Variants in PBX3 observed in about 807,000 individuals in gnomAD.
PBX3 encodes PBX homeobox 3.
In PBX3, 14 loss-of-function variants were observed where a neutral mutation model predicts 48.5. The ratio of observed to expected loss-of-function variants is 0.29; its 90% CI spans 0.19 to 0.45. The LOEUF is 0.45. Among genes scored for constraint, PBX3 ranks in the 20% least tolerant of loss-of-function variants. The probability of loss-of-function intolerance (pLI) is 1.00; values close to 1 mark genes in which losing one functional copy is unlikely to be tolerated. For synonymous variants in PBX3, 210 were observed against 200.3 expected, an observed-to-expected ratio of 1.05 and a Z score of -0.41; for missense variants, 386 against 546.7, an observed-to-expected ratio of 0.71 and a Z score of 2.93.
At position 125,788,660 on chromosome 9, in the gene PBX3, C is replaced by A. The variant is rs371036888; in HGVS notation, c.274+40037C>A. On this transcript the variant is annotated intron_variant, in intron 2 of 8. Coordinates refer to ENST00000373489, the MANE Select transcript of PBX3 (RefSeq NM_006195.6). ...GGCCGAGCTGGGCAGATTGCCTGAG[C>A]TCAGGAGTTCAAGACCAGCCTGGGT... 7.2e-5 allele frequency among the ~76,000 whole-genome samples: 11 copies of A among 152,122 alleles called. No homozygotes were observed. The East Asian group carries it at 2.1e-3, about 29-fold the overall frequency.
intron 1 of PBX3, 100 bp downstream of exon 1, chr9:125,747,753 C>G: frequency 1.1e-6 from 1 of 879,444 alleles, no homozygotes; most frequent in Non-Finnish European, 1.6e-6. Flanking sequence ...GGCCGCAGCC[C>G]CCGGCGGGGA....
intron 6 of PBX3, among the ~76,000 whole-genome samples, chr9:125,961,646 T>TA (rs1369781077): frequency 6.6e-6 from 1 of 152,008 alleles, no homozygotes; most frequent in Non-Finnish European, 1.5e-5. Flanking sequence ...TAATGGCACA[T>TA]AAAAACAGAT....
rs1842547134 is a variant in PBX3 at position 125,966,987 on chromosome 9, G to A, written c.*1064G>A. ...TTGCACTTGCAACTTTTAAAAAACCGAGTGTGGAAACATTGGGTCTTAATT... is the reference window on the plus strand; with the variant it reads ...TTGCACTTGCAACTTTTAAAAAACCAAGTGTGGAAACATTGGGTCTTAATT... On this transcript the variant is annotated 3_prime_UTR_variant, in exon 9 of 9. Coordinates refer to ENST00000373489, the MANE Select transcript of PBX3 (RefSeq NM_006195.6). 1 of 152,086 alleles carries A rather than the reference G, an allele frequency of 6.6e-6. No individual in the cohort carries two copies. The highest frequency in any genetic ancestry group is 1.5e-5 in the Non-Finnish European group (1 of 67,992). The allele number at this position is 152,086 out of a possible 1,614,324, so 9.4% of individuals were successfully genotyped here.
At chr9:125,790,705 A>G (rs530728739) in intron 2 of PBX3, among the ~76,000 whole-genome samples, 12 of 152,136 alleles carry the variant, frequency 7.9e-5, no homozygotes, top group Admixed American at 5.9e-4. Context: ...AGTGGCTGGG[A>G]CTGCAGTTGT....
chr9:125,775,303 C>A (rs1289441509), intron 2 of PBX3, among the ~76,000 whole-genome samples: 1 of 152,048 alleles, frequency 6.6e-6, no homozygotes, highest in African/African-American at 2.4e-5. Context: ...TTTTTGTGTG[C>A]TCGTTGGTCA....
chr9:125,792,490 A>T (rs893537642), intron 2 of PBX3, among the ~76,000 whole-genome samples: 1 of 152,090 alleles, frequency 6.6e-6, no homozygotes, highest in Non-Finnish European at 1.5e-5. Context: ...GGAGTCCCTT[A>T]GTTCCCTGAT....
At position 125,747,624 on chromosome 9, in the gene PBX3, C is replaced by A; in HGVS notation, c.171C>A (p.Thr57=). The change falls in exon 1 of 9, where the codon ACC becomes ACA. Residue 57 remains threonine, a synonymous_variant. Coordinates refer to ENST00000373489, the MANE Select transcript of PBX3 (RefSeq NM_006195.6). ...TCCTCCACCAGATCATGACCATCAC[C>A]GACCAGAGCTTGGACGAGGCGCAAG... ...GDILHQIMTI[T]DQSLDEAQAK... The A allele has an allele frequency of 6.3e-7, 1 of 1,597,890 alleles. No individual in the cohort carries two copies. The highest frequency in any genetic ancestry group is 8.5e-7 in the Non-Finnish European group (1 of 1,172,544).
In PBX3 at chr9:125,929,673, A is replaced by T. The variant is rs764842480; in HGVS notation, c.535A>T (p.Thr179Ser). The T allele has an allele frequency of 6.2e-7, 1 of 1,610,342 alleles. No individual in the cohort carries two copies. The highest frequency in any genetic ancestry group is 8.5e-7 in the Non-Finnish European group (1 of 1,178,394). Residue 179 changes from threonine (T) to serine (S), a missense_variant, in exon 4 of 9, where the codon ACA becomes TCA. By Grantham distance (58) the Thr-to-Ser change is moderately conservative. Around this residue, in one of 4 missense-constraint regions of PBX3, gnomAD observed 74 missense variants for 206.1 expected, o/e 0.36. Transcript: ENST00000373489. ...KYEQACNEFT[T>S]HVMNLLREQS... is the part of the protein sequence containing the mutation. ...ATTACAGGCATGTAATGAATTTACT[A>T]CACATGTGATGAACCTTCTCCGAGA...
At chr9:125,816,540 C>T (rs572102959) in intron 2 of PBX3, among the ~76,000 whole-genome samples, 2 of 152,284 alleles carry the variant, frequency 1.3e-5, no homozygotes, top group South Asian at 2.1e-4. Flanking sequence ...GTATATTACT[C>T]TTGTTTTACA....
intron 2 of PBX3, among the ~76,000 whole-genome samples, chr9:125,835,051 A>AAAAAAAAAAAAAAAAAAT (rs1564681272): frequency 1.9e-5 from 2 of 108,002 alleles, no homozygotes; most frequent in African/African-American, 3.8e-5. Flanking sequence ...AAAAAAAAAA[A>AAAAAAAAAAAAAAAAAAT]GGGCAAAAGA....
intron 5 of PBX3, among the ~76,000 whole-genome samples, chr9:125,946,346 A>G (rs1564186195): frequency 6.6e-6 from 1 of 152,234 alleles, no homozygotes; most frequent in Non-Finnish European, 1.5e-5. Flanking sequence ...AATCACAGAA[A>G]GAAACAGATA....
At chr9:125,937,809 C>T (rs910816474) in intron 5 of PBX3, among the ~76,000 whole-genome samples, 8 of 151,942 alleles carry the variant, frequency 5.3e-5, no homozygotes, top group African/African-American at 4.8e-5. Flanking sequence ...ACTACAGGCA[C>T]GCCACCACAC....
chr9:125,936,441 GAA>G (rs1459924320), intron 5 of PBX3, among the ~76,000 whole-genome samples: 7 of 152,164 alleles, frequency 4.6e-5, no homozygotes, highest in Non-Finnish European at 1.5e-5. Context: ...TTTTTGTAGT[GAA>G]ACTTAAGGAA....
chr9:125,950,644 G>A (rs1363007560), intron 5 of PBX3, among the ~76,000 whole-genome samples: 2 of 152,046 alleles, frequency 1.3e-5, no homozygotes, highest in Non-Finnish European at 2.9e-5. Flanking sequence ...ACCATGCCTG[G>A]CTAATTTTTG....
chr9:125,758,230 A>G (rs942875176), intron 2 of PBX3, among the ~76,000 whole-genome samples: 1 of 152,200 alleles, frequency 6.6e-6, no homozygotes, highest in Non-Finnish European at 1.5e-5. Context: ...TGTATTCAAT[A>G]AAGGAAATAT....
At chr9:125,892,604 G>A (rs1204591082) in intron 2 of PBX3, among the ~76,000 whole-genome samples, 2 of 152,110 alleles carry the variant, frequency 1.3e-5, no homozygotes, top group African/African-American at 4.8e-5. Context: ...AAAGTAGGTG[G>A]CCTGAAGGAA....
At chr9:125,808,658 C>A (rs534694482) in intron 2 of PBX3, among the ~76,000 whole-genome samples, 1 of 151,970 alleles carries the variant, frequency 6.6e-6, no homozygotes, top group African/African-American at 2.4e-5. Flanking sequence ...AGAGTGAGAC[C>A]CAATCTCAAA....
At chr9:125,963,252 T>C (rs1842468939) in intron 8 of PBX3, 151 bp downstream of exon 8, 1 of 522,318 alleles carries the variant, frequency 1.9e-6, no homozygotes, top group Non-Finnish European at 3.5e-6. Flanking sequence ...AGAACCTAAA[T>C]GCTTGATGCC....
intron 2 of PBX3, among the ~76,000 whole-genome samples, chr9:125,751,903 T>G (rs983006693): frequency 1.1e-4 from 16 of 151,874 alleles, no homozygotes; most frequent in Non-Finnish European, 1.9e-4. Flanking sequence ...GTGAAATATT[T>G]CATCCTGAAA....
Sources: gnomAD v4.1 joint callset for allele counts (sites outside exome capture counted in the v4.1 genomes callset) on GRCh38, gnomAD v4.1.1 for gene constraint, gnomAD v4.1.1 regional missense constraint, MANE v1.5 for transcripts, NCBI Gene and HGNC (gene_info 2026-07-23, HGNC 2026-07-21) for gene names.